Variants in A1CF observed in about 807,000 individuals in gnomAD.
A1CF encodes the protein APOBEC-1 stimulating protein.
In A1CF, 48 loss-of-function variants were observed where a neutral mutation model predicts 68.9. That is an observed-to-expected ratio of 0.70 (90% CI 0.55 to 0.89). The LOEUF (loss-of-function observed/expected upper bound fraction) is 0.89, where lower values mean the gene tolerates loss of function less well. A1CF is among the 40% of genes least tolerant of loss of function. The pLI is 0.00. For missense variants in A1CF, 653 were observed against 718.9 expected, an observed-to-expected ratio of 0.91 and a Z score of 1.05; for synonymous variants, 272 against 260.4, an observed-to-expected ratio of 1.04 and a Z score of -0.43.
chr10:50,856,557 ATTG>A (rs1589026759), intron 3 of A1CF, among the ~76,000 whole-genome samples: 1 of 152,120 alleles, frequency 6.6e-6, no homozygotes, highest in East Asian at 1.9e-4. Flanking sequence ...GATCTCTAAA[ATTG>A]CAATCTTAAA....
intron 4 of A1CF, 145 bp downstream of exon 4, chr10:50,843,843 A>C (rs1589009939): frequency 1.0e-6 from 1 of 990,390 alleles, no homozygotes; most frequent in Non-Finnish European, 1.5e-6. Context: ...AGAGATAATC[A>C]CTAGAAACTT....
rs115452728 is a variant in A1CF, at chr10:50,875,961, T to A, written c.-94+9620A>T. Among the ~76,000 whole-genome samples the A allele has an allele frequency of 1.0e-2, 1,522 of 152,310 alleles. 36 individuals carry two copies. Among genetic ancestry groups the A allele is most frequent in the African/African-American group, 0.033 (1,388 of 41,556 alleles). ...CTGGTCGTAACTTGACTTTCCTGAT[T>A]TTCTTTCAATACAAGTCTGGAGCTA... On this transcript the variant is annotated intron_variant, in intron 1 of 12. Transcript: ENST00000373997.
chr10:50,822,218 T>C (rs1410834824), intron 7 of A1CF, among the ~76,000 whole-genome samples: 1 of 152,220 alleles, frequency 6.6e-6, no homozygotes, highest in African/African-American at 2.4e-5. Flanking sequence ...TTGGATGTTA[T>C]ATTTTTAAAA....
chr10:50,824,510 C>T (rs1027795585), intron 7 of A1CF: 1 of 152,174 alleles, frequency 6.6e-6, no homozygotes, highest in Non-Finnish European at 1.5e-5. Context: ...ACATTCAGAT[C>T]TCAGCTTAGA....
At chr10:50,831,448 G>A (rs1839234796) in intron 6 of A1CF, among the ~76,000 whole-genome samples, 1 of 152,194 alleles carries the variant, frequency 6.6e-6, no homozygotes, top group South Asian at 2.1e-4. Context: ...TGGGCAAAAG[G>A]CCGGGCGTGG....
intron 12 of A1CF, among the ~76,000 whole-genome samples, chr10:50,809,645 G>A (rs1264275158): frequency 6.6e-6 from 1 of 152,042 alleles, no homozygotes; most frequent in Non-Finnish European, 1.5e-5. Flanking sequence ...CAGAGAGACT[G>A]ACTCATTCAA....
At chr10:50,810,766 G>A (rs572390960) in intron 11 of A1CF, among the ~76,000 whole-genome samples, 3 of 152,284 alleles carry the variant, frequency 2.0e-5, no homozygotes, top group South Asian at 2.1e-4. Flanking sequence ...GCCAAGAATG[G>A]GCTATAGTTT....
chr10:50,805,856 T>C lies in A1CF; in HGVS notation c.*873A>G, dbSNP rs1837792456. 1 of 152,204 alleles carries C rather than the reference T, an allele frequency of 6.6e-6. No homozygotes were observed. The highest frequency in any genetic ancestry group is 1.5e-5 in the Non-Finnish European group (1 of 68,026). The allele number at this position is 152,204 out of a possible 1,614,324, so 9.4% of individuals were successfully genotyped here. On this transcript the variant is annotated 3_prime_UTR_variant, in exon 13 of 13. Coordinates refer to ENST00000373997, the MANE Select transcript of A1CF (RefSeq NM_014576.4). ...GAAGTATCATAAATGATATTCTGTATATCTGATTTACTTTTTTATGATATT... is the reference window on the plus strand; with the variant it reads ...GAAGTATCATAAATGATATTCTGTACATCTGATTTACTTTTTTATGATATT...
Position 50,799,435 on chromosome 10 carries a change from G to A in A1CF, c.*7294C>T, listed in dbSNP as rs1186324702. 6.6e-6 allele frequency: 1 copy of A among 151,978 alleles called. No individual in the cohort carries two copies. Among genetic ancestry groups the A allele is most frequent in the East Asian group, 1.9e-4 (1 of 5,188 alleles). The allele number at this position is 151,978 out of a possible 1,614,324, so 9.4% of individuals were successfully genotyped here. A position where few individuals can be genotyped will look rare whatever the true frequency, so the allele number is the denominator to read the frequency against. Reference sequence around the variant, plus strand: ...TGATAATTTTTAAAACTTTATAATGGCACTTGAAAATTCAATTAAAACAAT... The same window carrying A: ...TGATAATTTTTAAAACTTTATAATGACACTTGAAAATTCAATTAAAACAAT... On this transcript the variant is annotated 3_prime_UTR_variant, in exon 13 of 13. Coordinates refer to ENST00000373997, the MANE Select transcript of A1CF (RefSeq NM_014576.4).
intron 5 of A1CF, among the ~76,000 whole-genome samples, chr10:50,840,462 CTA>C (rs1418002207): frequency 6.6e-6 from 1 of 152,188 alleles, no homozygotes; most frequent in Non-Finnish European, 1.5e-5. Context: ...GACTCCAAAA[CTA>C]TTGCTCTTTA....
At chr10:50,853,750 A>ATT (rs11344383) in intron 3 of A1CF, among the ~76,000 whole-genome samples, 2 of 141,456 alleles carry the variant, frequency 1.4e-5, no homozygotes, top group Admixed American at 7.1e-5. Flanking sequence ...GGAGTCAGCA[A>ATT]TTTTTTTTTT....
chr10:50,850,768 C>T, intron 3 of A1CF: 1 of 1,614,064 alleles, frequency 6.2e-7, no homozygotes, highest in Non-Finnish European at 8.5e-7. Context: ...TGGGCATGTG[C>T]CCAGACACAC....
At chr10:50,852,272 A>G (rs948259608) in intron 3 of A1CF, among the ~76,000 whole-genome samples, 2 of 152,210 alleles carry the variant, frequency 1.3e-5, no homozygotes, top group Non-Finnish European at 2.9e-5. Flanking sequence ...GGAGAAATTC[A>G]TTGCTATTTG....
At chr10:50,858,994 G>A (rs747435355) in intron 3 of A1CF, among the ~76,000 whole-genome samples, 1 of 151,994 alleles carries the variant, frequency 6.6e-6, no homozygotes, top group Non-Finnish European at 1.5e-5. Context: ...ACTGACAAAG[G>A]AGCATCTAAT....
Position 50,804,169 on chromosome 10 carries a change from C to T in A1CF, c.*2560G>A, listed in dbSNP as rs2132290886. ...CCAAAACCACTTCTACCTACTTATA[C>T]AAAACTGGCTCTAAAGAGGTAAATG... On this transcript the variant is annotated 3_prime_UTR_variant, in exon 13 of 13. Transcript: ENST00000373997. The T allele has an allele frequency of 6.6e-6, 1 of 152,214 alleles. No individual in the cohort carries two copies. Among genetic ancestry groups the T allele is most frequent in the South Asian group, 2.1e-4 (1 of 4,816 alleles). 9.4% of individuals were successfully genotyped at this position (152,214 alleles called of 1,614,324 possible).
intron 9 of A1CF, 33 bp downstream of exon 9, chr10:50,815,973 G>T (rs770579106): frequency 1.2e-6 from 2 of 1,603,302 alleles, no homozygotes; most frequent in Non-Finnish European, 1.7e-6. Flanking sequence ...GAAATCTTGG[G>T]ATTACTCTAA....
chr10:50,819,910 G>A (rs765191691), intron 8 of A1CF, among the ~76,000 whole-genome samples: 4 of 152,238 alleles, frequency 2.6e-5, no homozygotes, highest in East Asian at 3.9e-4. Flanking sequence ...TACTTTGCAC[G>A]AGTTTGTGTA....
chr10:50,828,993 T>A (rs544912192), intron 6 of A1CF, among the ~76,000 whole-genome samples: 7 of 152,320 alleles, frequency 4.6e-5, no homozygotes, highest in African/African-American at 1.7e-4. Context: ...AATTCTTCTG[T>A]AAAGGGTAGT....
intron 1 of A1CF, among the ~76,000 whole-genome samples, chr10:50,864,517 G>T (rs1840890626): frequency 6.6e-6 from 1 of 150,892 alleles, no homozygotes; most frequent in South Asian, 2.1e-4. Flanking sequence ...GGCGATCAGA[G>T]TCTTCTTGTC....
Sources: gnomAD v4.1 joint callset for allele counts (sites outside exome capture counted in the v4.1 genomes callset) on GRCh38, gnomAD v4.1.1 for gene constraint, MANE v1.5 for transcripts, NCBI Gene and HGNC (gene_info 2026-07-23, HGNC 2026-07-21) for gene names.